SP4: variants seen among roughly 807,000 people sequenced by gnomAD.
SP4 encodes the protein Sp4 transcription factor.
SP4 carries 19 observed loss-of-function variants against 72.8 expected under a neutral mutation model. That is an observed-to-expected ratio of 0.26 (90% CI 0.18 to 0.38). The LOEUF (loss-of-function observed/expected upper bound fraction) is 0.38, where lower values mean the gene tolerates loss of function less well. Among genes scored for constraint, SP4 ranks in the 10% least tolerant of loss-of-function variants. The probability of loss-of-function intolerance (pLI) is 1.00; values close to 1 mark genes in which losing one functional copy is unlikely to be tolerated. For missense variants in SP4, 1,008 were observed against 926.3 expected, an observed-to-expected ratio of 1.09 and a Z score of -1.14; for synonymous variants, 395 against 333.1, an observed-to-expected ratio of 1.19 and a Z score of -2.02.
At chr7:21,486,753 C>G (rs1204538953) in intron 5 of SP4, among the ~76,000 whole-genome samples, 1 of 152,156 alleles carries the variant, frequency 6.6e-6, no homozygotes, top group East Asian at 1.9e-4. Context: ...TACAGTTTCT[C>G]TCTTTCCATA....
rs1369034785 is a variant in SP4 at position 21,465,124 on chromosome 7, C to T, written c.1679-11955C>T. ...AGAGTTGAGAATAGTTGACAGTTAT[C>T]TGGAGCAAGATTAGAATAAATAGAA... is the stretch of plus-strand genomic sequence containing the variant. On this transcript the variant is annotated intron_variant, in intron 3 of 5. Transcript: ENST00000222584. Among the ~76,000 whole-genome samples, 12 of 152,176 alleles carry T rather than the reference C, an allele frequency of 7.9e-5. No individual in the cohort carries two copies. In the South Asian group the frequency reaches 2.1e-3, roughly 26 times the overall value.
chr7:21,508,045 C>T (rs1467286750), intron 5 of SP4, among the ~76,000 whole-genome samples: 1 of 152,112 alleles, frequency 6.6e-6, no homozygotes, highest in East Asian at 1.9e-4. Flanking sequence ...CTGGTTGCTG[C>T]AGTGCCTGCT....
intron 3 of SP4, among the ~76,000 whole-genome samples, chr7:21,439,955 T>G (rs1047215648): frequency 3.3e-5 from 5 of 152,224 alleles, no homozygotes; most frequent in African/African-American, 1.2e-4. Context: ...ATCTTTCGAA[T>G]AGAAAAAGTG....
At chr7:21,480,922 T>C (rs1006676278) in intron 4 of SP4, among the ~76,000 whole-genome samples, 8 of 152,184 alleles carry the variant, frequency 5.3e-5, no homozygotes, top group African/African-American at 1.9e-4. Context: ...TGTTTTATGG[T>C]GTGTTTCTGA....
chr7:21,483,600 C>T (rs1272598598), intron 5 of SP4, among the ~76,000 whole-genome samples: 4 of 151,808 alleles, frequency 2.6e-5, no homozygotes, highest in Non-Finnish European at 4.4e-5. Context: ...CTTTCTTAAA[C>T]AGCCCATTCT....
intron 5 of SP4, among the ~76,000 whole-genome samples, chr7:21,488,777 T>A (rs1054832546): frequency 6.6e-6 from 1 of 151,658 alleles, no homozygotes; most frequent in Non-Finnish European, 1.5e-5. Flanking sequence ...AAAAAAAAAA[T>A]ACTGATAACT....
intron 3 of SP4, among the ~76,000 whole-genome samples, chr7:21,446,823 C>CTTTT (rs34433968): frequency 1.3e-5 from 2 of 148,396 alleles, no homozygotes; most frequent in Non-Finnish European, 1.5e-5. Flanking sequence ...TTGACAAATT[C>CTTTT]TTTTTTTTTT....
At chr7:21,479,834 T>C (rs1471016700) in intron 4 of SP4, among the ~76,000 whole-genome samples, 2 of 152,236 alleles carry the variant, frequency 1.3e-5, no homozygotes, top group Non-Finnish European at 2.9e-5. Context: ...AGTATACATT[T>C]TGTACTTTTG....
At chr7:21,469,217 A>G (rs1784256085) in intron 3 of SP4, among the ~76,000 whole-genome samples, 1 of 149,622 alleles carries the variant, frequency 6.7e-6, no homozygotes, top group African/African-American at 2.4e-5. Flanking sequence ...AAGTACTTAT[A>G]TTACTAAATA....
intron 5 of SP4, among the ~76,000 whole-genome samples, chr7:21,489,796 G>T (rs1190028188): frequency 1.3e-5 from 2 of 151,762 alleles, no homozygotes; most frequent in African/African-American, 4.8e-5. Flanking sequence ...CCTGACCTTG[G>T]ATCCACCCGC....
At chr7:21,471,088 T>G in intron 3 of SP4, 1 of 534,764 alleles carries the variant, frequency 1.9e-6, no homozygotes, top group South Asian at 1.4e-5. Context: ...CACAGAACAT[T>G]AGAGAAGACA....
intron 3 of SP4, among the ~76,000 whole-genome samples, chr7:21,475,206 C>A (rs1784464416): frequency 6.6e-6 from 1 of 151,890 alleles, no homozygotes; most frequent in Admixed American, 6.6e-5. Context: ...CCTCTGCCTC[C>A]CGGGTTCAAG....
chr7:21,429,220 A>G, intron 2 of SP4, 69 bp from the exon 3 acceptor site: 1 of 801,036 alleles, frequency 1.2e-6, no homozygotes, highest in Non-Finnish European at 2.0e-6. Context: ...CCTGGCAACT[A>G]CTGGCCTCCA....
At chr7:21,446,468 C>G (rs962889881) in intron 3 of SP4, among the ~76,000 whole-genome samples, 1 of 151,768 alleles carries the variant, frequency 6.6e-6, no homozygotes, top group Admixed American at 6.6e-5. Context: ...GAGCTCTGTG[C>G]TAGGTAGCAG....
chr7:21,428,270 C>T lies in SP4; in HGVS notation c.7+12C>T. 1 of 1,384,382 alleles carries T rather than the reference C, an allele frequency of 7.2e-7. No homozygotes were observed. The highest frequency in any genetic ancestry group is 9.8e-7 in the Non-Finnish European group (1 of 1,025,094). 85.8% of individuals were successfully genotyped at this position (1,384,382 alleles called of 1,614,324 possible). ...ATGCGGGATGAGCGGTACGTATTCTCCACCCCCCTCAGTCTCCTTCGCCGC... is the reference window on the plus strand; with the variant it reads ...ATGCGGGATGAGCGGTACGTATTCTTCACCCCCCTCAGTCTCCTTCGCCGC... On this transcript the variant is annotated intron_variant, in intron 1 of 5. Transcript: ENST00000222584.
chr7:21,481,970 G>T lies in SP4; in HGVS notation c.1954G>T (p.Glu652Ter). The T allele has an allele frequency of 6.2e-7, 1 of 1,614,028 alleles. No homozygotes were observed. The highest frequency in any genetic ancestry group is 2.2e-5 in the East Asian group (1 of 44,868). The change falls in exon 5 of 6, where the codon GAA (glutamate) becomes TAA (stop). Residue 652 changes from glutamate (E) to a stop codon, truncating the protein, a stop_gained. Coordinates refer to ENST00000222584, the MANE Select transcript of SP4 (RefSeq NM_003112.5). LOFTEE classifies it high-confidence loss of function. ...AAAGAAGCAGCATATCTGTCATATTGAAGGATGTGGTAAAGTTTATGGCAA... is the reference window on the plus strand; with the variant it reads ...AAAGAAGCAGCATATCTGTCATATTTAAGGATGTGGTAAAGTTTATGGCAA... Reference protein sequence around the residue: ...GKKKQHICHIEGCGKVYGKTS... With the variant: ...GKKKQHICHI
intron 3 of SP4, among the ~76,000 whole-genome samples, chr7:21,469,437 A>G (rs1324845633): frequency 6.6e-6 from 1 of 152,184 alleles, no homozygotes; most frequent in African/African-American, 2.4e-5. Flanking sequence ...AGAAAAAGAA[A>G]CTTAAAGTGT....
chr7:21,464,516 T>C (rs1327200145), intron 3 of SP4, among the ~76,000 whole-genome samples: 1 of 152,142 alleles, frequency 6.6e-6, no homozygotes, highest in Non-Finnish European at 1.5e-5. Flanking sequence ...AGAGTTTTCC[T>C]AAAACTGAGA....
chr7:21,439,106 C>G (rs1583380633), intron 3 of SP4, among the ~76,000 whole-genome samples: 1 of 152,262 alleles, frequency 6.6e-6, no homozygotes, highest in South Asian at 2.1e-4. Context: ...AACATATTCC[C>G]CCCTCTGATA....
Sources: gnomAD v4.1 joint callset for allele counts (sites outside exome capture counted in the v4.1 genomes callset) on GRCh38, gnomAD v4.1.1 for gene constraint, MANE v1.5 for transcripts, NCBI Gene and HGNC (gene_info 2026-07-23, HGNC 2026-07-21) for gene names.